AHCYL2: variants seen among roughly 807,000 people sequenced by gnomAD.
The protein encoded by AHCYL2 is S-adenosylhomocysteine hydrolase-like protein 2.
AHCYL2 carries 28 observed loss-of-function variants against 81.4 expected under a neutral mutation model. That is an observed-to-expected ratio of 0.34 (90% CI 0.25 to 0.47). The LOEUF (loss-of-function observed/expected upper bound fraction) is 0.47. Ranked by LOEUF, AHCYL2 falls within the 20% of genes least tolerant of loss-of-function variation. The pLI is 1.00. For missense variants in AHCYL2, 551 were observed against 785.1 expected, an observed-to-expected ratio of 0.70 and a Z score of 3.56; for synonymous variants, 272 against 290.2, an observed-to-expected ratio of 0.94 and a Z score of 0.64.
chr7:129,426,342 T>C lies in AHCYL2; in HGVS notation c.1709-101T>C, dbSNP rs766624355. ...AACATTTTTCATTCAGCTCCAGGAA[T>C]TAGAAGGTGTCTTTGAACTTTTTAA... On this transcript the variant is annotated intron_variant, in intron 15 of 16. Transcript: ENST00000325006. The surrounding 1 kb of genome is among the most constrained non-coding windows in gnomAD (Gnocchi z 4.3). 85 of 1,560,232 alleles carry C rather than the reference T, an allele frequency of 5.4e-5. No individual in the cohort carries two copies. The African/African-American group carries it at 1.1e-3, about 20-fold the overall frequency.
At chr7:129,235,764 A>G (rs1434400811) in intron 1 of AHCYL2, among the ~76,000 whole-genome samples, 1 of 152,198 alleles carries the variant, frequency 6.6e-6, no homozygotes, top group Admixed American at 6.6e-5. Context: ...TTTATTCAGT[A>G]GCACATCTTA....
chr7:129,274,633 A>G (rs1796134096), intron 1 of AHCYL2, among the ~76,000 whole-genome samples: 1 of 152,134 alleles, frequency 6.6e-6, no homozygotes, highest in African/African-American at 2.4e-5. Context: ...AGGCTAGGTC[A>G]TGAAAAGCCT....
At position 129,424,877 on chromosome 7, in the gene AHCYL2, C is replaced by T. The variant is rs1283708140; in HGVS notation, c.1564C>T (p.Arg522Cys). The T allele has an allele frequency of 6.2e-6, 10 of 1,612,778 alleles. No homozygotes were observed. The highest frequency in any genetic ancestry group is 2.2e-5 in the East Asian group (1 of 44,878). ...TGTCTTCACCTTTGATCACTAGGGC[C>T]GCCTGCTGAACCTTAGCTGCTCCAC... ...GKRIVLLAEG[R>C]LLNLSCSTVP... is the part of the protein sequence containing the mutation. The change falls in exon 14 of 17, where the codon CGC becomes TGC. Residue 522 changes from arginine (R) to cysteine (C), a missense_variant. By Grantham distance (180) the Arg-to-Cys change is radical. Transcript: ENST00000325006.
chr7:129,262,075 A>G (rs2150716953), intron 1 of AHCYL2, among the ~76,000 whole-genome samples: 1 of 152,228 alleles, frequency 6.6e-6, no homozygotes, highest in South Asian at 2.1e-4. Flanking sequence ...ATAAGCTTAT[A>G]TTGATATTCT....
intron 1 of AHCYL2, among the ~76,000 whole-genome samples, chr7:129,364,419 T>C (rs531172107): frequency 6.6e-6 from 1 of 152,150 alleles, no homozygotes; most frequent in East Asian, 1.9e-4. Flanking sequence ...GCCTCCTGAG[T>C]TGCTGGGATT....
chr7:129,342,150 G>T (rs558815430), intron 1 of AHCYL2, among the ~76,000 whole-genome samples: 2 of 152,284 alleles, frequency 1.3e-5, no homozygotes, highest in South Asian at 4.1e-4. Flanking sequence ...CAAAAGTACA[G>T]GGGTGGAGTT....
At chr7:129,318,725 A>G (rs563445886) in intron 1 of AHCYL2, among the ~76,000 whole-genome samples, 1 of 152,312 alleles carries the variant, frequency 6.6e-6, no homozygotes, top group South Asian at 2.1e-4. Flanking sequence ...AGAATTAAAA[A>G]ACATAATTGT....
chr7:129,238,815 G>C lies in AHCYL2; in HGVS notation c.363+13376G>C, dbSNP rs113689883. 5.8e-3 allele frequency among the ~76,000 whole-genome samples: 890 copies of C among 152,214 alleles called. 9 individuals carry two copies. Among genetic ancestry groups the C allele is most frequent in the African/African-American group, 0.02 (846 of 41,556 alleles). On this transcript the variant is annotated intron_variant, in intron 1 of 16. Transcript: ENST00000325006. The stretch of plus-strand genomic sequence containing the variant: ...AAAATACAGAAGTTAGTCAGGCGTG[G>C]TGGGGCGGGTGCCTGTAATCCCAGC...
chr7:129,425,209 G>A (rs1797305703), intron 15 of AHCYL2, 68 bp downstream of exon 15: 1 of 1,444,676 alleles, frequency 6.9e-7, no homozygotes, highest in Admixed American at 1.7e-5. Flanking sequence ...AAGGAAGTTT[G>A]GGGGCATTAA....
chr7:129,342,325 G>A (rs575141751), intron 1 of AHCYL2, among the ~76,000 whole-genome samples: 3 of 152,288 alleles, frequency 2.0e-5, no homozygotes, highest in African/African-American at 7.2e-5. Flanking sequence ...TGGAAGGAGA[G>A]TAAGAGTCAT....
intron 15 of AHCYL2, among the ~76,000 whole-genome samples, chr7:129,425,427 G>GA (rs949850426): frequency 8.7e-5 from 13 of 148,644 alleles, no homozygotes; most frequent in Non-Finnish European, 1.8e-4. Flanking sequence ...TCTCAAAGGA[G>GA]AAAAAAAAAA....
chr7:129,312,180 G>A (rs919420397), intron 1 of AHCYL2, among the ~76,000 whole-genome samples: 1 of 152,060 alleles, frequency 6.6e-6, no homozygotes, highest in Admixed American at 6.6e-5. Flanking sequence ...TACCTGTTGG[G>A]CTTAAGTGAT....
intron 1 of AHCYL2, among the ~76,000 whole-genome samples, chr7:129,331,283 T>C (rs1395847185): frequency 6.6e-6 from 1 of 152,194 alleles, no homozygotes; most frequent in African/African-American, 2.4e-5. Flanking sequence ...ATGTTATCTC[T>C]TTTGACGTAG....
intron 1 of AHCYL2, among the ~76,000 whole-genome samples, chr7:129,278,555 G>A (rs769111776): frequency 6.6e-6 from 1 of 151,868 alleles, no homozygotes; most frequent in Non-Finnish European, 1.5e-5. Context: ...CAAAATCTTT[G>A]TATTTTCATG....
chr7:129,319,862 T>C (rs1202591615), intron 1 of AHCYL2, among the ~76,000 whole-genome samples: 3 of 152,240 alleles, frequency 2.0e-5, no homozygotes, highest in Non-Finnish European at 4.4e-5. Flanking sequence ...AATAAAGCTG[T>C]TGTAAACATC....
chr7:129,341,431 G>A (rs1367349127), intron 1 of AHCYL2, among the ~76,000 whole-genome samples: 4 of 152,202 alleles, frequency 2.6e-5, no homozygotes, highest in Non-Finnish European at 5.9e-5. Flanking sequence ...TAGAGGAAAG[G>A]TGGATGTGGG....
chr7:129,409,611 G>C, intron 11 of AHCYL2, 65 bp downstream of exon 11: 1 of 1,367,964 alleles, frequency 7.3e-7, no homozygotes, highest in Non-Finnish European at 1.0e-6. Flanking sequence ...GGTGCAAGAT[G>C]ATTGGAAATA....
At chr7:129,362,452 G>C (rs572239812) in intron 1 of AHCYL2, among the ~76,000 whole-genome samples, 19 of 152,110 alleles carry the variant, frequency 1.2e-4, no homozygotes, top group Non-Finnish European at 2.6e-4. Flanking sequence ...TTTTGAGTTT[G>C]AAGGAGTAAA....
chr7:129,398,268 C>CCTT (rs1365770779), intron 5 of AHCYL2, among the ~76,000 whole-genome samples: 2 of 149,954 alleles, frequency 1.3e-5, no homozygotes, highest in African/African-American at 4.9e-5. Context: ...GCCTCATCCT[C>CCTT]CCAAAGTGCT....
Sources: allele counts gnomAD v4.1 joint callset (sites outside exome capture counted in the v4.1 genomes callset), GRCh38; gene constraint gnomAD v4.1.1; non-coding constraint Gnocchi (gnomAD v3.1); transcripts MANE v1.5; gene names NCBI Gene and HGNC (gene_info 2026-07-23, HGNC 2026-07-21).